Variants in CSMD1 observed in about 807,000 individuals in gnomAD.
CSMD1 encodes the protein CUB and sushi domain-containing protein 1.
In CSMD1, 213 loss-of-function variants were observed where a neutral mutation model predicts 417.5. The observed-to-expected ratio is 0.51, with a 90% CI of 0.46 to 0.57. CSMD1 has a LOEUF of 0.57. Ranked by LOEUF, CSMD1 falls within the 20% of genes least tolerant of loss-of-function variation. CSMD1 has a pLI of 0.00. For missense variants in CSMD1, 6,923 were observed against 4,529.7 expected, an observed-to-expected ratio of 1.53 and a Z score of -15.17; for synonymous variants, 2,862 against 1,736.8, an observed-to-expected ratio of 1.65 and a Z score of -16.11.
At chr8:4,003,001 CA>C (rs59423414) in intron 4 of CSMD1, among the ~76,000 whole-genome samples, 7 of 151,482 alleles carry the variant, frequency 4.6e-5, no homozygotes, top group Non-Finnish European at 1.0e-4. Context: ...TTAATTTTTT[CA>C]AAATAAATGT....
At chr8:4,484,228 G>A (rs1801248562) in intron 2 of CSMD1, among the ~76,000 whole-genome samples, 1 of 150,860 alleles carries the variant, frequency 6.6e-6, no homozygotes, top group Non-Finnish European at 1.5e-5. Context: ...CTTGCTTTCT[G>A]ATTGTTTTCA....
chr8:4,961,660 A>T (rs1169959858), intron 1 of CSMD1, among the ~76,000 whole-genome samples: 5 of 152,130 alleles, frequency 3.3e-5, no homozygotes, highest in Non-Finnish European at 7.4e-5. Flanking sequence ...GAAAAACCCT[A>T]CAAGTTGTAT....
Position 3,189,949 on chromosome 8 carries a change from G to C in CSMD1, c.5361C>G (p.Ala1787=). The stretch of plus-strand genomic sequence containing the variant: ...GGATCGTGTCGTTCCACTGTGCCAA[G>C]GCGTTGGGCACGGACTGGCAGTGGA... ...TALHCQSVPN[A]LAQWNDTIPS... The change falls in exon 34 of 70, where the codon GCC becomes GCG. Residue 1787 remains alanine (A), a synonymous_variant. Coordinates refer to ENST00000635120, the MANE Select transcript of CSMD1 (RefSeq NM_033225.6). 1.3e-6 allele frequency: 2 copies of C among 1,595,724 alleles called. No individual in the cohort carries two copies. Among genetic ancestry groups the C allele is most frequent in the Non-Finnish European group, 1.7e-6 (2 of 1,171,508 alleles).
rs533413376 is a variant in CSMD1 at position 4,292,361 on chromosome 8, T to C, written c.415+127592A>G. On this transcript the variant is annotated intron_variant, in intron 3 of 69. Transcript: ENST00000635120. The stretch of plus-strand genomic sequence containing the variant: ...TCTGCCTCCGGGGTTCACGCCTTTC[T>C]CCTGCCTCAGCCTCCAGAGTACCTG... 2.4e-3 allele frequency among the ~76,000 whole-genome samples: 365 copies of C among 152,184 alleles called. 6 individuals are homozygous for C. The highest frequency in any genetic ancestry group is 1.1e-3 in the Non-Finnish European group (73 of 68,016).
intron 1 of CSMD1, among the ~76,000 whole-genome samples, chr8:4,902,958 A>C (rs1251570963): frequency 6.9e-6 from 1 of 145,080 alleles, no homozygotes; most frequent in African/African-American, 2.5e-5. Context: ...TATAATAATA[A>C]ACTTTGAATA....
chr8:3,616,853 G>A (rs966825076), intron 7 of CSMD1, 56 bp from the exon 8 acceptor site: 3 of 1,260,494 alleles, frequency 2.4e-6, no homozygotes, highest in African/African-American at 1.5e-5. Flanking sequence ...GAAATACCCA[G>A]ATAAAAAATT....
intron 5 of CSMD1, among the ~76,000 whole-genome samples, chr8:3,881,617 AAAAAAC>A (rs1554472604): frequency 4.2e-5 from 6 of 144,244 alleles, no homozygotes; most frequent in Non-Finnish European, 9.0e-5. Context: ...TCAAAAAAAA[AAAAAAC>A]AAAAACAAAA....
chr8:3,245,299 C>T (rs115206284), intron 26 of CSMD1, among the ~76,000 whole-genome samples: 1,595 of 152,216 alleles, frequency 0.01, 25 homozygotes, highest in African/African-American at 0.035. Context: ...CAGTTCCTTC[C>T]GGTACCTGGG....
chr8:4,262,316 A>AC (rs1803942983), intron 3 of CSMD1, among the ~76,000 whole-genome samples: 1 of 152,156 alleles, frequency 6.6e-6, no homozygotes, highest in African/African-American at 2.4e-5. Flanking sequence ...CACAGGCACT[A>AC]GCCCTGCCTC....
intron 20 of CSMD1, among the ~76,000 whole-genome samples, chr8:3,361,083 A>G (rs1291545781): frequency 6.6e-6 from 1 of 152,162 alleles, no homozygotes; most frequent in African/African-American, 2.4e-5. Flanking sequence ...GATAACCTTG[A>G]GATATACTTA....
intron 2 of CSMD1, among the ~76,000 whole-genome samples, chr8:4,593,239 G>T (rs937820782): frequency 6.6e-6 from 1 of 152,136 alleles, no homozygotes; most frequent in Admixed American, 6.5e-5. Context: ...CAAGGTTAAT[G>T]GAATTTCCGC....
chr8:4,048,152 G>C lies in CSMD1; in HGVS notation c.416-16053C>G, dbSNP rs150053138. 7.6e-4 allele frequency among the ~76,000 whole-genome samples: 116 copies of C among 152,272 alleles called. 3 individuals are homozygous for C. In the East Asian group the frequency reaches 0.019, roughly 25 times the overall value. On this transcript the variant is annotated intron_variant, in intron 3 of 69. Transcript: ENST00000635120. ...CTTGCCTAAGGTGAAAAGAATGAAT[G>C]TACGCAGTCAGACTTTGTTTTGGTT...
chr8:3,461,480 G>A (rs977053537), intron 12 of CSMD1, among the ~76,000 whole-genome samples: 1 of 152,178 alleles, frequency 6.6e-6, no homozygotes, highest in Non-Finnish European at 1.5e-5. Flanking sequence ...AGGAGTAGCT[G>A]TCTCACCTCC....
At chr8:4,010,610 C>G (rs1158411955) in intron 4 of CSMD1, among the ~76,000 whole-genome samples, 5 of 152,072 alleles carry the variant, frequency 3.3e-5, no homozygotes, top group Non-Finnish European at 4.4e-5. Context: ...GCCCAACTCT[C>G]CATACCAGGT....
rs560319265 is a variant in CSMD1 at position 3,438,768 on chromosome 8, A to C, written c.1562-29163T>G. Among the ~76,000 whole-genome samples, 10 of 152,170 alleles carry C rather than the reference A, an allele frequency of 6.6e-5. No homozygotes were observed. In the South Asian group the frequency reaches 1.7e-3, roughly 25 times the overall value. ...CAGAAGCCTTCACTTCTCTGAGATA[A>C]ATGATTGGAAGTGCAATTGTCGGGT... is the stretch of plus-strand genomic sequence containing the variant. On this transcript the variant is annotated intron_variant, in intron 12 of 69. Coordinates refer to ENST00000635120, the MANE Select transcript of CSMD1 (RefSeq NM_033225.6).
At chr8:4,538,817 T>A (rs1347141762) in intron 2 of CSMD1, among the ~76,000 whole-genome samples, 1 of 152,212 alleles carries the variant, frequency 6.6e-6, no homozygotes, top group East Asian at 1.9e-4. Flanking sequence ...AGAAGTAACT[T>A]GTTTTGGGTC....
intron 1 of CSMD1, among the ~76,000 whole-genome samples, chr8:4,671,746 T>G (rs1423601461): frequency 6.6e-6 from 1 of 152,120 alleles, no homozygotes; most frequent in Non-Finnish European, 1.5e-5. Flanking sequence ...TGTGTGCTTG[T>G]GTGTGTGTGC....
intron 10 of CSMD1, among the ~76,000 whole-genome samples, chr8:3,538,446 A>G (rs1255638863): frequency 6.6e-6 from 1 of 150,940 alleles, no homozygotes; most frequent in African/African-American, 2.4e-5. Context: ...ACCTGAGATG[A>G]TGCACCTGAG....
At chr8:4,198,128 T>A (rs1304136989) in intron 3 of CSMD1, among the ~76,000 whole-genome samples, 2 of 152,334 alleles carry the variant, frequency 1.3e-5, no homozygotes, top group South Asian at 4.1e-4. Context: ...AGAAGGTTCT[T>A]TGAGTTGAGT....
Sources: gnomAD v4.1 joint callset for allele counts (sites outside exome capture counted in the v4.1 genomes callset) on GRCh38, gnomAD v4.1.1 for gene constraint, MANE v1.5 for transcripts, NCBI Gene and HGNC (gene_info 2026-07-23, HGNC 2026-07-21) for gene names.